ST7: variants seen among roughly 807,000 people sequenced by gnomAD.
ST7 encodes the protein suppressor of tumorigenicity 7 protein.
Under a neutral mutation model 78.7 loss-of-function variants are expected in ST7, and 28 were observed. That is an observed-to-expected ratio of 0.36 (90% CI 0.26 to 0.49). The LOEUF (loss-of-function observed/expected upper bound fraction) is 0.49, where lower values mean the gene tolerates loss of function less well. Among genes scored for constraint, ST7 ranks in the 20% least tolerant of loss-of-function variants. The pLI, the probability that ST7 is intolerant of heterozygous loss-of-function variation, is 0.99. For synonymous variants in ST7, 247 were observed against 249.6 expected (o/e 0.99, Z 0.10); for missense variants, 418 against 696.0 (o/e 0.60, Z 4.49).
chr7:117,207,804 C>T (rs1791916106), intron 12 of ST7, among the ~76,000 whole-genome samples: 1 of 151,424 alleles, frequency 6.6e-6, no homozygotes. Context: ...TATTCCAGGG[C>T]TCTCATTAGG....
chr7:117,173,171 T>A (rs1413602994), intron 10 of ST7, among the ~76,000 whole-genome samples: 2 of 152,350 alleles, frequency 1.3e-5, no homozygotes, highest in East Asian at 3.9e-4. Context: ...GTTTATGTTG[T>A]GTACCTGGCA....
rs1797539126 is a variant in ST7, at chr7:117,047,267, A to G, written c.152-52495A>G. Reference sequence around the variant, plus strand: ...TTTGAAGTTATAAGTTGAAAATGTTAAACATTTAAGCAAAGAGGATTTAGA... The same window carrying G: ...TTTGAAGTTATAAGTTGAAAATGTTGAACATTTAAGCAAAGAGGATTTAGA... On this transcript the variant is annotated intron_variant, in intron 1 of 15. Transcript: ENST00000323984. 2.6e-5 allele frequency among the ~76,000 whole-genome samples: 4 copies of G among 152,318 alleles called. No homozygotes were observed. In the South Asian group the frequency reaches 8.3e-4, roughly 32 times the overall value.
At chr7:117,029,239 C>T (rs56240034) in intron 1 of ST7, among the ~76,000 whole-genome samples, 4,817 of 152,244 alleles carry the variant, frequency 0.032, 243 homozygotes, top group African/African-American at 0.11. Context: ...TCACTTGCTT[C>T]AAATTCTTGC....
chr7:117,161,878 G>T (rs1402903880), intron 9 of ST7, among the ~76,000 whole-genome samples: 1 of 152,002 alleles, frequency 6.6e-6, no homozygotes, highest in Non-Finnish European at 1.5e-5. Flanking sequence ...GGGATTACAG[G>T]TGTGAGCCAC....
At chr7:117,196,457 C>T (rs1280664266) in intron 12 of ST7, among the ~76,000 whole-genome samples, 1 of 152,128 alleles carries the variant, frequency 6.6e-6, no homozygotes, top group East Asian at 1.9e-4. Flanking sequence ...GAGTGGCCAT[C>T]CTAACACGTC....
chr7:117,112,682 G>A (rs1327106699), intron 2 of ST7: 1 of 152,188 alleles, frequency 6.6e-6, no homozygotes, highest in Non-Finnish European at 1.5e-5. Context: ...AACGAAGAGT[G>A]GAAAAAGACA....
chr7:116,986,551 T>C (rs192898416), intron 1 of ST7, among the ~76,000 whole-genome samples: 221 of 152,304 alleles, frequency 1.5e-3, no homozygotes, highest in Middle Eastern at 6.8e-3. Flanking sequence ...GTTTTTTTCT[T>C]TTATTATTTA....
At chr7:117,110,816 G>A (rs1166449081) in intron 2 of ST7, among the ~76,000 whole-genome samples, 1 of 152,212 alleles carries the variant, frequency 6.6e-6, no homozygotes, top group African/African-American at 2.4e-5. Context: ...TTTCCCTAGA[G>A]CCTGGCTGCC....
At chr7:117,139,778 A>G (rs1805117869) in intron 9 of ST7, among the ~76,000 whole-genome samples, 1 of 152,236 alleles carries the variant, frequency 6.6e-6, no homozygotes, top group Non-Finnish European at 1.5e-5. Flanking sequence ...AAAGAATGTT[A>G]TATGGTATAA....
At chr7:117,049,595 C>T (rs761923331) in intron 1 of ST7, among the ~76,000 whole-genome samples, 2 of 152,174 alleles carry the variant, frequency 1.3e-5, no homozygotes, top group African/African-American at 2.4e-5. Context: ...ATAAAAGCTG[C>T]ATTTTCAATA....
chr7:117,052,990 A>T (rs1797866333), intron 1 of ST7, among the ~76,000 whole-genome samples: 2 of 152,314 alleles, frequency 1.3e-5, no homozygotes, highest in South Asian at 4.1e-4. Context: ...TCTACTTAAC[A>T]TTCTGACTCT....
intron 14 of ST7, among the ~76,000 whole-genome samples, chr7:117,221,662 C>T (rs1742993465): frequency 6.6e-6 from 1 of 152,186 alleles, no homozygotes; most frequent in African/African-American, 2.4e-5. Context: ...TCTTCCCTCC[C>T]ATGAAGGCGT....
In ST7 at chr7:116,953,640, C is replaced by T. The variant is rs1792258146; in HGVS notation, c.100C>T (p.Leu34=). The T allele has an allele frequency of 2.7e-6, 4 of 1,507,306 alleles. No individual in the cohort carries two copies. The highest frequency in any genetic ancestry group is 3.6e-6 in the Non-Finnish European group (4 of 1,115,600). The allele number at this position is 1,507,306 out of a possible 1,614,324, so 93.4% of individuals were successfully genotyped here. A position where few individuals can be genotyped will look rare whatever the true frequency, so the allele number is the denominator to read the frequency against. The stretch of plus-strand genomic sequence containing the variant: ...CGTGTGGTTCTTCATCGTGCTATTC[C>T]TGGTCTACATCCTGCGGGTGCCTTT... ...WTVWFFIVLF[L]VYILRVPLKI... is the part of the protein sequence containing the mutation. Residue 34 remains leucine (L), a synonymous_variant, in exon 1 of 16, where the codon CTG becomes TTG. Coordinates refer to ENST00000323984, the MANE Select transcript of ST7 (RefSeq NM_001369598.1).
At chr7:117,097,469 G>A (rs1458448788) in intron 1 of ST7, among the ~76,000 whole-genome samples, 2 of 151,808 alleles carry the variant, frequency 1.3e-5, no homozygotes, top group Non-Finnish European at 2.9e-5. Context: ...GGGATTACAG[G>A]CACCCACCAT....
At chr7:117,217,997 G>T (rs1228075371) in intron 13 of ST7, among the ~76,000 whole-genome samples, 1 of 152,296 alleles carries the variant, frequency 6.6e-6, no homozygotes, top group South Asian at 2.1e-4. Flanking sequence ...GTCATTTCTT[G>T]TGAGGGAGAA....
intron 9 of ST7, among the ~76,000 whole-genome samples, chr7:117,152,501 G>A (rs193302775): frequency 8.7e-4 from 132 of 152,030 alleles, no homozygotes; most frequent in African/African-American, 3.1e-3. Flanking sequence ...TTATCTTGGA[G>A]GAAATTGTTA....
chr7:117,063,901 C>T (rs768718324), intron 1 of ST7, among the ~76,000 whole-genome samples: 4 of 152,052 alleles, frequency 2.6e-5, no homozygotes, highest in Non-Finnish European at 4.4e-5. Flanking sequence ...TAGCAATTCC[C>T]GACAGGCATT....
At chr7:117,044,803 C>T (rs980276891) in intron 1 of ST7, among the ~76,000 whole-genome samples, 2 of 152,150 alleles carry the variant, frequency 1.3e-5, no homozygotes, top group Admixed American at 6.5e-5. Flanking sequence ...AGACATCTCC[C>T]GAATTCATAT....
At chr7:117,113,078 A>C (rs946628643) in intron 2 of ST7, among the ~76,000 whole-genome samples, 1 of 152,220 alleles carries the variant, frequency 6.6e-6, no homozygotes, top group African/African-American at 2.4e-5. Context: ...CAAAACTGCC[A>C]TTTTGGCTTT....
Sources: gnomAD v4.1 joint callset for allele counts (sites outside exome capture counted in the v4.1 genomes callset) on GRCh38, gnomAD v4.1.1 for gene constraint, MANE v1.5 for transcripts, NCBI Gene and HGNC (gene_info 2026-07-23, HGNC 2026-07-21) for gene names.